The following TTYH3 variants were observed in gnomAD, a reference collection of about 807,000 sequenced individuals.
The protein encoded by TTYH3 is protein tweety homolog 3.
TTYH3 carries 23 observed loss-of-function variants against 68.2 expected under a neutral mutation model. The ratio of observed to expected loss-of-function variants is 0.34; its 90% confidence interval spans 0.24 to 0.48. The LOEUF (loss-of-function observed/expected upper bound fraction) is 0.48, where lower values mean the gene tolerates loss of function less well. TTYH3 is among the 20% of genes least tolerant of loss of function. The pLI is 0.99. For missense variants in TTYH3, 768 were observed against 727.7 expected, an observed-to-expected ratio of 1.06 and a Z score of -0.64; for synonymous variants, 360 against 332.8, an observed-to-expected ratio of 1.08 and a Z score of -0.89.
intron 10 of TTYH3, 99 bp from the exon 11 acceptor site, chr7:2,656,298 TG>T (rs35213164): frequency 6.4e-7 from 1 of 1,565,592 alleles, no homozygotes; most frequent in South Asian, 1.1e-5. Context: ...GCCCTGCCTC[TG>T]GGGGGCGGTC....
intron 12 of TTYH3, 118 bp downstream of exon 12, chr7:2,658,577 G>C (rs768497989): frequency 7.6e-7 from 1 of 1,308,804 alleles, no homozygotes; most frequent in East Asian, 2.5e-5. Context: ...TCCGGGCTGG[G>C]CAGCCCTGGC....
intron 1 of TTYH3, among the ~76,000 whole-genome samples, chr7:2,641,709 G>T (rs745663424): frequency 1.3e-5 from 2 of 152,262 alleles, no homozygotes; most frequent in Admixed American, 6.5e-5. Context: ...CTGGGCCACC[G>T]TAGGAATGCC....
At position 2,663,147 on chromosome 7, in the gene TTYH3, G is replaced by GCCAGC. The variant is rs1189909437; in HGVS notation, c.*1416_*1420dup. ...CCCTCCCGGTCCCGGCCCTGGCCCA[G>GCCAGC]CCAGCCCAGCCCTCGAGGCTCGATG... is the stretch of plus-strand genomic sequence containing the variant. On this transcript the variant is annotated 3_prime_UTR_variant, in exon 14 of 14. Transcript: ENST00000258796. The GCCAGC allele has an allele frequency of 1.3e-5, 2 of 152,450 alleles. No individual in the cohort carries two copies. Among genetic ancestry groups the GCCAGC allele is most frequent in the African/African-American group, 4.8e-5 (2 of 41,456 alleles). The allele number at this position is 152,450 out of a possible 1,614,324, so 9.4% of individuals were successfully genotyped here. A position where few individuals can be genotyped will look rare whatever the true frequency, so the allele number is the denominator to read the frequency against.
intron 13 of TTYH3, chr7:2,659,819 G>C: frequency 8.3e-7 from 1 of 1,200,970 alleles, no homozygotes; most frequent in Non-Finnish European, 1.1e-6. Context: ...AGTCCCGCTC[G>C]GCTGCCCTCG....
At chr7:2,660,072 G>T in intron 13 of TTYH3, 7 of 1,290,782 alleles carry the variant, frequency 5.4e-6, no homozygotes, top group Non-Finnish European at 7.1e-6. Context: ...ATCCCGCACG[G>T]CCACCCGCCT....
intron 13 of TTYH3, chr7:2,660,584 C>A (rs921908876): frequency 1.0e-6 from 1 of 977,390 alleles, no homozygotes; most frequent in African/African-American, 1.8e-5. Flanking sequence ...CCATCCCCTC[C>A]CCTTGTGCTG....
chr7:2,646,814 G>A, intron 1 of TTYH3, 39 bp from the exon 2 acceptor site: 1 of 1,569,808 alleles, frequency 6.4e-7, no homozygotes, highest in African/African-American at 1.3e-5. Flanking sequence ...TCTGAGCTGG[G>A]GGTCCACCCC....
At chr7:2,654,320 G>A (rs915716758) in intron 9 of TTYH3, among the ~76,000 whole-genome samples, 6 of 152,072 alleles carry the variant, frequency 3.9e-5, no homozygotes, top group South Asian at 2.1e-4. Flanking sequence ...GCTTGAGCCC[G>A]GGAGTTCAAA....
Position 2,645,632 on chromosome 7 carries a change from A to T in TTYH3, c.124-1221A>T. 1 of 382,954 alleles carries T rather than the reference A, an allele frequency of 2.6e-6. No homozygotes were observed. Among genetic ancestry groups the T allele is most frequent in the East Asian group, 7.3e-5 (1 of 13,678 alleles). 23.7% of individuals were successfully genotyped at this position (382,954 alleles called of 1,614,324 possible). A position where few individuals can be genotyped will look rare whatever the true frequency, so the allele number is the denominator to read the frequency against. ...GGGGCGCCTGTATGCAGCCTGTAGC[A>T]GTGTGGGGCCAGCCCCACCATCTCA... On this transcript the variant is annotated intron_variant, in intron 1 of 13. Transcript: ENST00000258796. This position sits in a 1 kb window ranked among gnomAD's most constrained non-coding sequence, Gnocchi z 4.8.
chr7:2,640,858 C>G (rs1785822260), intron 1 of TTYH3, among the ~76,000 whole-genome samples: 1 of 152,188 alleles, frequency 6.6e-6, no homozygotes, highest in Non-Finnish European at 1.5e-5. Context: ...TGGGTTGGGG[C>G]CACCCACCTG....
intron 2 of TTYH3, 39 bp downstream of exon 2, chr7:2,647,061 G>A (rs1786008469): frequency 6.5e-7 from 1 of 1,532,404 alleles, no homozygotes; most frequent in African/African-American, 1.4e-5. Flanking sequence ...CGGGGCCAGA[G>A]GGGGCGGCCC....
chr7:2,632,339 C>T lies in TTYH3; in HGVS notation c.123+61C>T, dbSNP rs927999246. 9 of 1,432,272 alleles carry T rather than the reference C, an allele frequency of 6.3e-6. No homozygotes were observed. The South Asian group carries it at 1.3e-4, about 20-fold the overall frequency. The allele number at this position is 1,432,272 out of a possible 1,614,324, so 88.7% of individuals were successfully genotyped here. A position where few individuals can be genotyped will look rare whatever the true frequency, so the allele number is the denominator to read the frequency against. ...CCCCAGGTCACGGCCCCCTCCTCTC[C>T]CAGGGTCACGGCCCCCATCCCCGAG... is the stretch of plus-strand genomic sequence containing the variant. On this transcript the variant is annotated intron_variant, in intron 1 of 13. Coordinates refer to ENST00000258796, the MANE Select transcript of TTYH3 (RefSeq NM_025250.3).
intron 9 of TTYH3, among the ~76,000 whole-genome samples, chr7:2,653,919 A>G (rs1237315935): frequency 2.0e-5 from 3 of 152,146 alleles, no homozygotes; most frequent in Non-Finnish European, 4.4e-5. Flanking sequence ...ATAAAACCCA[A>G]ATCTCTTTGG....
At chr7:2,653,535 G>T (rs544988460) in intron 9 of TTYH3, among the ~76,000 whole-genome samples, 11 of 151,982 alleles carry the variant, frequency 7.2e-5, no homozygotes, top group Non-Finnish European at 1.5e-4. Flanking sequence ...TAGTGTTCTG[G>T]GCCCGGGCAT....
At chr7:2,637,824 G>A (rs1785720981) in intron 1 of TTYH3, among the ~76,000 whole-genome samples, 1 of 152,096 alleles carries the variant, frequency 6.6e-6, no homozygotes, top group African/African-American at 2.4e-5. Context: ...CCATCCGAGG[G>A]GGCTTCTCAC....
intron 5 of TTYH3, among the ~76,000 whole-genome samples, chr7:2,649,015 A>T (rs1436250803): frequency 8.6e-6 from 1 of 116,906 alleles, no homozygotes; most frequent in African/African-American, 3.4e-5. Context: ...CTGAACTGGG[A>T]TATGGGGGAC....
chr7:2,641,302 G>A (rs1204427971), intron 1 of TTYH3, among the ~76,000 whole-genome samples: 14 of 152,128 alleles, frequency 9.2e-5, no homozygotes, highest in African/African-American at 4.8e-5. Context: ...TGCATTTTGG[G>A]GGCTGCGGGG....
chr7:2,641,916 C>T (rs947197414), intron 1 of TTYH3, among the ~76,000 whole-genome samples: 11 of 152,248 alleles, frequency 7.2e-5, no homozygotes, highest in South Asian at 4.1e-4. Flanking sequence ...TCTGCATGCT[C>T]GCAGTGGTGG....
chr7:2,660,556 T>TGCCC, intron 13 of TTYH3: 1 of 970,616 alleles, frequency 1.0e-6, no homozygotes, highest in Non-Finnish European at 1.2e-6. Flanking sequence ...TCCCGTCCAG[T>TGCCC]CCCGCCCCGT....
Sources: allele counts gnomAD v4.1 joint callset (sites outside exome capture counted in the v4.1 genomes callset), GRCh38; gene constraint gnomAD v4.1.1; non-coding constraint Gnocchi (gnomAD v3.1); transcripts MANE v1.5; gene names NCBI Gene and HGNC (gene_info 2026-07-23, HGNC 2026-07-21).